Variants in ATP6V1E1 observed in about 807,000 individuals in gnomAD.
ATP6V1E1 encodes ATPase H+ transporting V1 subunit E1, also known as V-type proton ATPase subunit E 1.
In ATP6V1E1, 21 loss-of-function variants were observed where a neutral mutation model predicts 35.2. That is an observed-to-expected ratio of 0.60 (90% CI 0.42 to 0.86). ATP6V1E1 has a LOEUF of 0.86. Among genes scored for constraint, ATP6V1E1 ranks in the 40% least tolerant of loss-of-function variants. ATP6V1E1 has a pLI of 0.00. For synonymous variants in ATP6V1E1, 83 were observed against 87.8 expected, an observed-to-expected ratio of 0.95 and a Z score of 0.30; for missense variants, 183 against 272.6, an observed-to-expected ratio of 0.67 and a Z score of 2.32.
intron 4 of ATP6V1E1, among the ~76,000 whole-genome samples, chr22:17,603,260 T>C (rs1231514556): frequency 1.3e-5 from 2 of 152,010 alleles, no homozygotes; most frequent in African/African-American, 4.8e-5. Context: ...TTAAAGAAAC[T>C]TTAAAATGCA....
chr22:17,610,746 T>C (rs973678540), intron 4 of ATP6V1E1, among the ~76,000 whole-genome samples: 3 of 152,190 alleles, frequency 2.0e-5, no homozygotes, highest in Non-Finnish European at 2.9e-5. Flanking sequence ...GAAAAGACTA[T>C]AGTCAAGAGG....
At chr22:17,619,665 T>C in intron 1 of ATP6V1E1, 139 bp from the exon 2 acceptor site, 1 of 698,704 alleles carries the variant, frequency 1.4e-6, no homozygotes, top group Non-Finnish European at 2.4e-6. Context: ...GAGGGAGGAT[T>C]GCTTTAGGCC....
Position 17,616,815 on chromosome 22 carries a change from G to A in ATP6V1E1, c.99+2646C>T, listed in dbSNP as rs1411265713. Among the ~76,000 whole-genome samples, 2 of 129,750 alleles carry A rather than the reference G, an allele frequency of 1.5e-5. 1 individual carries two copies. The highest frequency in any genetic ancestry group is 6.0e-5 in the African/African-American group (2 of 33,374). 85.1% of individuals were successfully genotyped at this position (129,750 alleles called of 152,430 possible). On this transcript the variant is annotated intron_variant, in intron 2 of 8. Coordinates refer to ENST00000253413, the MANE Select transcript of ATP6V1E1 (RefSeq NM_001696.4). ...TGTAATCCCAGCACTTTGGGAGGCC[G>A]AGGCGGGCGGATCACGAGGTCAGGA...
Position 17,600,080 on chromosome 22 carries a change from G to C in ATP6V1E1, c.382C>G (p.Leu128Val), listed in dbSNP as rs201700749. The change falls in exon 6 of 9, where the codon CTG becomes GTG. Residue 128 changes from leucine to valine, a missense_variant. Transcript: ENST00000253413. ...GLVLQGLYQL[L>V]EPRMIVRCRK... Reference sequence around the variant, plus strand: ...CAACGAACAATCATTCGGGGCTCCAGCAACTGGTACAAACCCTGGAAGAAA... The same window carrying C: ...CAACGAACAATCATTCGGGGCTCCACCAACTGGTACAAACCCTGGAAGAAA... The C allele has an allele frequency of 6.9e-5, 112 of 1,613,686 alleles. No homozygotes were observed. Among genetic ancestry groups the C allele is most frequent in the Non-Finnish European group, 7.5e-5 (88 of 1,179,780 alleles).
At chr22:17,620,485 C>T (rs2057870787) in intron 1 of ATP6V1E1, among the ~76,000 whole-genome samples, 1 of 151,920 alleles carries the variant, frequency 6.6e-6, no homozygotes, top group Non-Finnish European at 1.5e-5. Context: ...CCTTTGCGTC[C>T]GTGACTTCCT....
At chr22:17,597,017 A>G (rs1296827) in intron 7 of ATP6V1E1, among the ~76,000 whole-genome samples, 22,143 of 151,864 alleles carry the variant, frequency 0.15, 2,967 homozygotes, top group African/African-American at 0.35. Context: ...CCGAGCGGGC[A>G]GATCACGAGG....
intron 4 of ATP6V1E1, among the ~76,000 whole-genome samples, chr22:17,604,769 G>A (rs1270358062): frequency 6.6e-6 from 1 of 151,776 alleles, no homozygotes; most frequent in Non-Finnish European, 1.5e-5. Context: ...CGCCCTCCTC[G>A]GCCTCCCAAA....
intron 6 of ATP6V1E1, among the ~76,000 whole-genome samples, chr22:17,599,060 A>C (rs1015612304): frequency 1.3e-5 from 2 of 152,188 alleles, no homozygotes; most frequent in African/African-American, 4.8e-5. Context: ...AAACAGTCAC[A>C]AAAAGACAAA....
At chr22:17,609,421 A>AAG (rs1335860447) in intron 4 of ATP6V1E1, among the ~76,000 whole-genome samples, 2 of 149,692 alleles carry the variant, frequency 1.3e-5, no homozygotes, top group Admixed American at 1.3e-4. Context: ...CATCCTCCCA[A>AAG]AGTGCTGGGA....
At chr22:17,606,405 TCA>T (rs2057787152) in intron 4 of ATP6V1E1, among the ~76,000 whole-genome samples, 1 of 152,208 alleles carries the variant, frequency 6.6e-6, no homozygotes, top group Non-Finnish European at 1.5e-5. Context: ...CGGTATCATT[TCA>T]CAGTCTGTTT....
At chr22:17,626,762 G>A (rs1036365650) in intron 1 of ATP6V1E1, among the ~76,000 whole-genome samples, 2 of 152,114 alleles carry the variant, frequency 1.3e-5, no homozygotes, top group East Asian at 1.9e-4. Flanking sequence ...ACTCCTGACC[G>A]CAGGTGATAT....
In ATP6V1E1 at chr22:17,592,434, C is replaced by T. The variant is rs938127021; in HGVS notation, c.*240G>A. 1.6e-5 allele frequency: 8 copies of T among 514,304 alleles called. No individual in the cohort carries two copies. The highest frequency in any genetic ancestry group is 2.2e-5 in the South Asian group (1 of 44,616). 31.9% of individuals were successfully genotyped at this position (514,304 alleles called of 1,614,324 possible). On this transcript the variant is annotated 3_prime_UTR_variant, in exon 9 of 9. Transcript: ENST00000253413. ...GCCCCCTCCCCTAGTGCTGCAGAACCGGCTGGACACTGTCACACTTTCAGA... is the reference window on the plus strand; with the variant it reads ...GCCCCCTCCCCTAGTGCTGCAGAACTGGCTGGACACTGTCACACTTTCAGA...
intron 1 of ATP6V1E1, among the ~76,000 whole-genome samples, chr22:17,624,450 A>G (rs2057893387): frequency 1.3e-5 from 2 of 152,068 alleles, no homozygotes; most frequent in Admixed American, 1.3e-4. Context: ...GGTACTCAGG[A>G]GGCTGATGCA....
rs1269818807 is a variant in ATP6V1E1 at position 17,598,226 on chromosome 22, T to G, written c.498A>C (p.Gln166His). The G allele has an allele frequency of 2.5e-6, 4 of 1,614,028 alleles. No individual in the cohort carries two copies. In the African/African-American group the frequency reaches 4.0e-5, roughly 16 times the overall value. Residue 166 changes from glutamine (Q) to histidine (H), a missense_variant, in exon 7 of 9, where the codon CAA becomes CAC. By Grantham distance (24) the Gln-to-His change is conservative. Transcript: ENST00000253413. ...KIATKNDVDV[Q>H]IDQESYLPED... ...CAGGCAGGTAGGACTCCTGGTCAAT[T>G]TGGACATCAACATCGTTTTTGGTGG...
At chr22:17,627,395 C>G (rs1167928902) in intron 1 of ATP6V1E1, among the ~76,000 whole-genome samples, 2 of 151,808 alleles carry the variant, frequency 1.3e-5, no homozygotes, top group Non-Finnish European at 1.5e-5. Context: ...TCCCAAAGTG[C>G]TGGTATTACA....
At chr22:17,610,073 T>C (rs2057807784) in intron 4 of ATP6V1E1, among the ~76,000 whole-genome samples, 1 of 152,028 alleles carries the variant, frequency 6.6e-6, no homozygotes, top group Non-Finnish European at 1.5e-5. Flanking sequence ...TTGTGAGCTA[T>C]GACTGCACCA....
At chr22:17,622,018 T>C (rs1332919890) in intron 1 of ATP6V1E1, among the ~76,000 whole-genome samples, 6 of 152,158 alleles carry the variant, frequency 3.9e-5, no homozygotes, top group African/African-American at 1.4e-4. Flanking sequence ...GACTCATAAA[T>C]GAAGTATCAT....
At chr22:17,593,229 T>C (rs2146292567) in intron 8 of ATP6V1E1, among the ~76,000 whole-genome samples, 1 of 151,196 alleles carries the variant, frequency 6.6e-6, no homozygotes, top group South Asian at 2.1e-4. Context: ...ACTTAACTCA[T>C]CCCAAATCTG....
chr22:17,621,613 C>T (rs1341791552), intron 1 of ATP6V1E1, among the ~76,000 whole-genome samples: 2 of 152,122 alleles, frequency 1.3e-5, no homozygotes, highest in Non-Finnish European at 2.9e-5. Context: ...ACCTTTCAAG[C>T]ATCATATGAA....
Sources: gnomAD v4.1 joint callset for allele counts (sites outside exome capture counted in the v4.1 genomes callset) on GRCh38, gnomAD v4.1.1 for gene constraint, MANE v1.5 for transcripts, NCBI Gene and HGNC (gene_info 2026-07-23, HGNC 2026-07-21) for gene names.